Variants in CXCL12 observed in about 807,000 individuals in gnomAD.
CXCL12 encodes C-X-C motif chemokine ligand 12.
CXCL12 carries 4 observed loss-of-function variants against 10.7 expected under a neutral mutation model. That is an observed-to-expected ratio of 0.37 (90% CI 0.18 to 0.86). The LOEUF (loss-of-function observed/expected upper bound fraction) is 0.86. Ranked by LOEUF, CXCL12 falls within the 40% of genes least tolerant of loss-of-function variation. The pLI is 0.43. For synonymous variants in CXCL12, 54 were observed against 45.4 expected (o/e 1.19, Z -0.77); for missense variants, 122 against 110.4 (o/e 1.10, Z -0.47).
In CXCL12 at chr10:44,377,252, AT is replaced by A. The variant is rs1839482847; in HGVS notation, c.*1380del. 2.0e-6 allele frequency: 2 copies of A among 998,348 alleles called. No individual in the cohort carries two copies. Among genetic ancestry groups the A allele is most frequent in the Non-Finnish European group, 2.4e-6 (2 of 838,126 alleles). The allele number at this position is 998,348 out of a possible 1,614,324, so 61.8% of individuals were successfully genotyped here. ...TGAAAAGCTGCAATCACATTTATAT[AT>A]CATATATATTTCTTTACAAATTGCC... On this transcript the variant is annotated 3_prime_UTR_variant, in exon 3 of 3. Coordinates refer to ENST00000343575, the MANE Select transcript of CXCL12 (RefSeq NM_199168.4).
Position 44,380,899 on chromosome 10 carries a change from A to G in CXCL12, c.62-19T>C, listed in dbSNP as rs1398922219. 1.9e-6 allele frequency: 3 copies of G among 1,607,230 alleles called. No individual in the cohort carries two copies. The highest frequency in any genetic ancestry group is 8.5e-7 in the Non-Finnish European group (1 of 1,173,678). On this transcript the variant is annotated intron_variant, in intron 1 of 2. Coordinates refer to ENST00000343575, the MANE Select transcript of CXCL12 (RefSeq NM_199168.4). Reference sequence around the variant, plus strand: ...GGCTTCCCTAGAAGAGGTAAGGACAACAAGGCACTTTACTACCCTGCCAGA... The same window carrying G: ...GGCTTCCCTAGAAGAGGTAAGGACAGCAAGGCACTTTACTACCCTGCCAGA...
At position 44,378,297 on chromosome 10, in the gene CXCL12, A is replaced by T. The variant is rs763742842; in HGVS notation, c.*336T>A. The T allele has an allele frequency of 4.1e-6, 6 of 1,473,382 alleles. No individual in the cohort carries two copies. The South Asian group carries it at 6.8e-5, about 17-fold the overall frequency. The allele number at this position is 1,473,382 out of a possible 1,614,324, so 91.3% of individuals were successfully genotyped here. On this transcript the variant is annotated 3_prime_UTR_variant, in exon 3 of 3. Coordinates refer to ENST00000343575, the MANE Select transcript of CXCL12 (RefSeq NM_199168.4). ...GATTTAAAAAATGAGAATGAGAATGATGATGATTGTGATGATCATGAAGGA... is the reference window on the plus strand; with the variant it reads ...GATTTAAAAAATGAGAATGAGAATGTTGATGATTGTGATGATCATGAAGGA...
chr10:44,381,608 G>A (rs1839633027), intron 1 of CXCL12, among the ~76,000 whole-genome samples: 2 of 152,346 alleles, frequency 1.3e-5, no homozygotes, highest in Non-Finnish European at 2.9e-5. Context: ...TAAGATCTTT[G>A]CAAAATCACC....
chr10:44,378,917 CAG>C (rs1402563527), intron 2 of CXCL12, among the ~76,000 whole-genome samples, 194 bp from the exon 3 acceptor site: 5 of 152,174 alleles, frequency 3.3e-5, no homozygotes, highest in Non-Finnish European at 7.3e-5. Flanking sequence ...AGTTCCATTG[CAG>C]AGACATGGAA....
At chr10:44,373,480 C>G (rs1839370773), downstream of CXCL12, 1 of 755,280 alleles carries the variant, frequency 1.3e-6, no homozygotes, top group Non-Finnish European at 2.4e-6. Context: ...CATGCATCTC[C>G]CTTCAGAGGC....
intron 1 of CXCL12, 75 bp from the exon 2 acceptor site, chr10:44,380,955 T>C (rs1455494747): frequency 4.3e-6 from 5 of 1,161,328 alleles, no homozygotes; most frequent in Admixed American, 3.4e-5. Flanking sequence ...GCTGCAGCAG[T>C]TGGTGCAGCG....
chr10:44,372,878 G>C (rs867106561), downstream of CXCL12: 1 of 1,534,220 alleles, frequency 6.5e-7, no homozygotes, highest in Non-Finnish European at 8.7e-7. Flanking sequence ...CCCACAGAGA[G>C]AAGCCTTCAC....
At chr10:44,371,201 C>A (rs1260887267), downstream of CXCL12, 4 of 238,162 alleles carry the variant, frequency 1.7e-5, no homozygotes, top group Non-Finnish European at 1.7e-5. Flanking sequence ...AATTGTTATG[C>A]AAATAATTTT....
chr10:44,380,993 GGGTAA>G (rs779720576), intron 1 of CXCL12, 113 bp from the exon 2 acceptor site: 8 of 866,864 alleles, frequency 9.2e-6, no homozygotes, highest in Non-Finnish European at 1.6e-5. Context: ...GGCATCACTG[GGGTAA>G]GTTCCAGGTT....
intron 1 of CXCL12, among the ~76,000 whole-genome samples, chr10:44,381,213 G>A (rs1254032619): frequency 1.3e-5 from 2 of 152,188 alleles, no homozygotes; most frequent in African/African-American, 4.8e-5. Context: ...TCAGTCCAAG[G>A]TACTGAAATT....
rs762104624 is a variant in CXCL12, at chr10:44,380,810, G to A, written c.132C>T (p.Val44=). The change falls in exon 2 of 3, where the codon GTC becomes GTT. Residue 44 remains valine, a synonymous_variant. Coordinates refer to ENST00000343575, the MANE Select transcript of CXCL12 (RefSeq NM_199168.4). ...FFESHVARAN[V]KHLKILNTPN... ...GAGTGTTGAGAATTTTGAGATGCTT[G>A]ACGTTGGCTCTGGCAACATGGCTTT... 6.2e-7 allele frequency: 1 copy of A among 1,614,226 alleles called. No individual in the cohort carries two copies. The highest frequency in any genetic ancestry group is 1.3e-5 in the African/African-American group (1 of 75,064).
At chr10:44,371,490 T>C (rs753566840), downstream of CXCL12, 4 of 247,484 alleles carry the variant, frequency 1.6e-5, no homozygotes, top group Non-Finnish European at 3.3e-5. Context: ...TGTATCTTTA[T>C]AACTAGTAAA....
At chr10:44,371,709 TTACTTCC>T (rs1839317340), downstream of CXCL12, 1 of 152,930 alleles carries the variant, frequency 6.5e-6, no homozygotes, top group South Asian at 2.0e-4. Flanking sequence ...TCACTATAAT[TTACTTCC>T]TACTTCCTAC....
At chr10:44,384,065 AC>A (rs1048491799) in intron 1 of CXCL12, among the ~76,000 whole-genome samples, 4 of 152,226 alleles carry the variant, frequency 2.6e-5, no homozygotes, top group African/African-American at 9.6e-5. Context: ...TCCCAGTGAA[AC>A]GGGACACCAC....
chr10:44,378,225 G>A lies in CXCL12; in HGVS notation c.*408C>T. On this transcript the variant is annotated 3_prime_UTR_variant, in exon 3 of 3. Coordinates refer to ENST00000343575, the MANE Select transcript of CXCL12 (RefSeq NM_199168.4). ...TGTGCCCAGACTCCCCAGGGGAGCA[G>A]AGGAGATGCTCCAAACAAGCCAAAT... The A allele has an allele frequency of 6.9e-7, 1 of 1,456,140 alleles. No individual in the cohort carries two copies. Among genetic ancestry groups the A allele is most frequent in the Middle Eastern group, 1.8e-4 (1 of 5,534 alleles). The allele number at this position is 1,456,140 out of a possible 1,614,324, so 90.2% of individuals were successfully genotyped here.
In CXCL12 at chr10:44,384,996, T is replaced by C. The variant is rs1451931121; in HGVS notation, c.10A>G (p.Lys4Glu). The C allele has an allele frequency of 1.2e-5, 7 of 562,798 alleles. No individual in the cohort carries two copies. Among genetic ancestry groups the C allele is most frequent in the Non-Finnish European group, 1.9e-5 (7 of 373,950 alleles). 34.9% of individuals were successfully genotyped at this position (562,798 alleles called of 1,614,324 possible). A position where few individuals can be genotyped will look rare whatever the true frequency, so the allele number is the denominator to read the frequency against. The change falls in exon 1 of 3, where the codon AAG (lysine) becomes GAG (glutamate). Residue 4 changes from lysine (K) to glutamate (E), a missense_variant. By Grantham distance (56) the Lys-to-Glu change is moderately conservative. Transcript: ENST00000343575. ...ACGAGGACCAGCACGACCACGACCT[T>C]GGCGTTCATGGCGCGGGCGGGCGGG... MNA[K>E]VVVVLVLVLT...
chr10:44,377,500 C>T lies in CXCL12; in HGVS notation c.*1133G>A, dbSNP rs564571548. Reference sequence around the variant, plus strand: ...TCGCATTTATGCATGGAAATGTCACCTTGCCAACAGTTCTGATTGGAACCT... The same window carrying T: ...TCGCATTTATGCATGGAAATGTCACTTTGCCAACAGTTCTGATTGGAACCT... On this transcript the variant is annotated 3_prime_UTR_variant, in exon 3 of 3. Coordinates refer to ENST00000343575, the MANE Select transcript of CXCL12 (RefSeq NM_199168.4). 1.5e-6 allele frequency: 2 copies of T among 1,359,604 alleles called. No homozygotes were observed. The highest frequency in any genetic ancestry group is 1.6e-5 in the South Asian group (1 of 61,106). 84.2% of individuals were successfully genotyped at this position (1,359,604 alleles called of 1,614,324 possible).
downstream of CXCL12, chr10:44,372,705 G>T: frequency 2.8e-6 from 4 of 1,424,764 alleles, no homozygotes; most frequent in Non-Finnish European, 2.7e-6. Context: ...GAACGTGGAG[G>T]ATGTGGAGGT....
downstream of CXCL12, chr10:44,371,624 T>C (rs1371325698): frequency 1.2e-5 from 2 of 169,832 alleles, no homozygotes; most frequent in Non-Finnish European, 2.5e-5. Context: ...GAAATACTTA[T>C]GAAAATACTT....
Sources: gnomAD v4.1 joint callset for allele counts (sites outside exome capture counted in the v4.1 genomes callset) on GRCh38, gnomAD v4.1.1 for gene constraint, MANE v1.5 for transcripts, NCBI Gene and HGNC (gene_info 2026-07-23, HGNC 2026-07-21) for gene names.